The following WDR41 variants were observed in gnomAD, a reference collection of about 807,000 sequenced individuals.
WDR41 encodes WD repeat domain 41.
A neutral mutation model predicts 69.3 loss-of-function variants in WDR41; 63 were observed. The observed-to-expected ratio is 0.91, with a 90% CI of 0.74 to 1.12. The LOEUF (loss-of-function observed/expected upper bound fraction) is 1.12, where lower values mean the gene tolerates loss of function less well. WDR41 is among the 50% of genes most tolerant of loss of function. The probability of loss-of-function intolerance (pLI) is 0.00; values close to 1 mark genes in which losing one functional copy is unlikely to be tolerated. For missense variants in WDR41, 543 were observed against 534.5 expected (o/e 1.02, Z -0.16); for synonymous variants, 185 against 192.1 (o/e 0.96, Z 0.31).
Position 77,463,180 on chromosome 5 carries a change from G to C in WDR41, c.263C>G (p.Thr88Arg), listed in dbSNP as rs2151323614. The C allele has an allele frequency of 1.9e-6, 3 of 1,612,562 alleles. No individual in the cohort carries two copies. Among genetic ancestry groups the C allele is most frequent in the East Asian group, 4.5e-5 (2 of 44,688 alleles). The change falls in exon 4 of 13, where the codon ACA (threonine) becomes AGA (arginine). Residue 88 changes from threonine (T) to arginine (R), a missense_variant. Transcript: ENST00000296679. ...LELNGHTQKI[T>R]AIITFPSLES... is the part of the protein sequence containing the mutation. Reference sequence around the variant, plus strand: ...CAAGGAAGGAAATGTAATAATAGCTGTTATCTTTTGAGTGTGTCCATTCAG... The same window carrying C: ...CAAGGAAGGAAATGTAATAATAGCTCTTATCTTTTGAGTGTGTCCATTCAG...
intron 1 of WDR41, among the ~76,000 whole-genome samples, chr5:77,550,449 C>A (rs1270249647): frequency 1.3e-5 from 2 of 152,144 alleles, no homozygotes; most frequent in Admixed American, 6.5e-5. Context: ...TGAACAGACA[C>A]TTCCCAAAAG....
intron 1 of WDR41, among the ~76,000 whole-genome samples, chr5:77,614,356 T>C (rs1744630532): frequency 6.6e-6 from 1 of 151,832 alleles, no homozygotes; most frequent in South Asian, 2.1e-4. Flanking sequence ...TGTATGTTTA[T>C]TGTGGCACTA....
At chr5:77,529,525 T>A (rs568355433) in intron 1 of WDR41, among the ~76,000 whole-genome samples, 1 of 151,736 alleles carries the variant, frequency 6.6e-6, no homozygotes, top group East Asian at 1.9e-4. Context: ...TTGATTATAA[T>A]ATTTTAATGA....
chr5:77,542,743 A>G (rs973612003), intron 1 of WDR41, among the ~76,000 whole-genome samples: 5 of 152,234 alleles, frequency 3.3e-5, no homozygotes, highest in African/African-American at 1.2e-4. Flanking sequence ...AAAAGAAGTC[A>G]TTGGCAGATA....
intron 2 of WDR41, among the ~76,000 whole-genome samples, chr5:77,468,322 C>T (rs1304872145): frequency 1.3e-5 from 2 of 152,028 alleles, no homozygotes; most frequent in African/African-American, 2.4e-5. Flanking sequence ...ACTCACAGTC[C>T]AACATTACCA....
At chr5:77,537,943 G>T (rs1743017140) in intron 1 of WDR41, among the ~76,000 whole-genome samples, 1 of 152,018 alleles carries the variant, frequency 6.6e-6, no homozygotes, top group South Asian at 2.1e-4. Flanking sequence ...TGGGTATTTT[G>T]GGGGTTTTAT....
intron 6 of WDR41, among the ~76,000 whole-genome samples, chr5:77,453,393 C>A (rs1799699053): frequency 6.6e-6 from 1 of 152,140 alleles, no homozygotes; most frequent in Non-Finnish European, 1.5e-5. Flanking sequence ...CGTATGTACA[C>A]AGAATTGTGA....
chr5:77,516,887 C>T (rs369973603), intron 1 of WDR41, among the ~76,000 whole-genome samples: 79 of 151,756 alleles, frequency 5.2e-4, no homozygotes, highest in African/African-American at 1.8e-3. Context: ...TGTGGTAGCA[C>T]GCACCTATAG....
chr5:77,498,043 A>AAAT (rs1407578016), intron 1 of WDR41, among the ~76,000 whole-genome samples: 1 of 152,256 alleles, frequency 6.6e-6, no homozygotes, highest in Non-Finnish European at 1.5e-5. Flanking sequence ...TAGAATAGGT[A>AAAT]AATTCATAGA....
upstream of WDR41, among the ~76,000 whole-genome samples, chr5:77,497,115 A>G (rs923377857): frequency 2.6e-5 from 4 of 152,210 alleles, no homozygotes; most frequent in Admixed American, 1.3e-4. Context: ...TCAAATACCT[A>G]AACTTAAAAG....
chr5:77,487,009 T>C (rs931620239), intron 2 of WDR41, among the ~76,000 whole-genome samples: 2 of 152,234 alleles, frequency 1.3e-5, no homozygotes, highest in Non-Finnish European at 2.9e-5. Flanking sequence ...AAACCAAATA[T>C]ATGTCAGCAT....
At chr5:77,566,043 A>G (rs1365363416) in intron 1 of WDR41, among the ~76,000 whole-genome samples, 1 of 152,146 alleles carries the variant, frequency 6.6e-6, no homozygotes, top group South Asian at 2.1e-4. Flanking sequence ...AGACAAGGAA[A>G]TAAACATAGA....
chr5:77,469,093 G>A (rs912926350), intron 2 of WDR41, among the ~76,000 whole-genome samples: 1 of 152,138 alleles, frequency 6.6e-6, no homozygotes, highest in Non-Finnish European at 1.5e-5. Context: ...CCTTTGTAGG[G>A]ACATGGATGA....
At chr5:77,478,529 A>T (rs2112042859) in intron 2 of WDR41, among the ~76,000 whole-genome samples, 2 of 152,318 alleles carry the variant, frequency 1.3e-5, no homozygotes, top group Middle Eastern at 6.8e-3. Context: ...ATATACGCAA[A>T]TCAATAAATG....
intron 9 of WDR41, among the ~76,000 whole-genome samples, chr5:77,440,457 TTTTC>T (rs1799113305): frequency 6.6e-6 from 1 of 152,210 alleles, no homozygotes; most frequent in Non-Finnish European, 1.5e-5. Context: ...AAATTTTTAA[TTTTC>T]TTTGCCTCAC....
chr5:77,506,605 C>T (rs1398338377), intron 1 of WDR41, among the ~76,000 whole-genome samples: 2 of 152,108 alleles, frequency 1.3e-5, no homozygotes, highest in African/African-American at 4.8e-5. Context: ...TATTGCAGTA[C>T]TATTCACAAT....
rs909788178 is a variant in WDR41 at position 77,614,000 on chromosome 5, C to G, written c.42+6479G>C. On this transcript the variant is annotated intron_variant, in intron 1 of 5. Transcript: ENST00000509971. Reference sequence around the variant, plus strand: ...AGTGGGTGAAGGATATGAACAGACACTTCTCAAAAGAAGACATTTATGCAG... The same window carrying G: ...AGTGGGTGAAGGATATGAACAGACAGTTCTCAAAAGAAGACATTTATGCAG... Among the ~76,000 whole-genome samples, 31 of 152,294 alleles carry G rather than the reference C, an allele frequency of 2.0e-4. 1 individual carries two copies. The South Asian group carries it at 5.2e-3, about 25-fold the overall frequency.
chr5:77,495,911 T>G (rs1801926613), upstream of WDR41, among the ~76,000 whole-genome samples: 1 of 152,056 alleles, frequency 6.6e-6, no homozygotes, highest in African/African-American at 2.4e-5. Context: ...TTAACAAGTA[T>G]TATTTACTAT....
chr5:77,472,923 T>G (rs1378251129), intron 2 of WDR41, among the ~76,000 whole-genome samples: 3 of 152,124 alleles, frequency 2.0e-5, no homozygotes, highest in Non-Finnish European at 2.9e-5. Flanking sequence ...AAAACTACTT[T>G]CACGTTCATA....
Sources: gnomAD v4.1 joint callset for allele counts (sites outside exome capture counted in the v4.1 genomes callset) on GRCh38, gnomAD v4.1.1 for gene constraint, MANE v1.5 for transcripts, NCBI Gene and HGNC (gene_info 2026-07-23, HGNC 2026-07-21) for gene names.